The following LRRC28 variants were observed in gnomAD, a reference collection of about 807,000 sequenced individuals.
LRRC28 encodes the protein leucine rich repeat containing 28.
A neutral mutation model predicts 45.7 loss-of-function variants in LRRC28; 39 were observed. The ratio of observed to expected loss-of-function variants is 0.85; its 90% CI spans 0.66 to 1.12. LRRC28 has a LOEUF of 1.12. Among genes scored for constraint, LRRC28 ranks in the 50% most tolerant of loss-of-function variants. The pLI is 0.00. For synonymous variants in LRRC28, 206 were observed against 178.8 expected, an observed-to-expected ratio of 1.15 and a Z score of -1.22; for missense variants, 435 against 438.5, an observed-to-expected ratio of 0.99 and a Z score of 0.07.
intron 7 of LRRC28, among the ~76,000 whole-genome samples, chr15:99,354,964 G>A (rs1225092271): frequency 3.3e-5 from 5 of 152,140 alleles, no homozygotes; most frequent in Admixed American, 3.3e-4. Flanking sequence ...GTACTTGTGG[G>A]ACAATATAAG....
chr15:99,333,148 C>G (rs1400305671), intron 5 of LRRC28, among the ~76,000 whole-genome samples: 1 of 152,132 alleles, frequency 6.6e-6, no homozygotes, highest in Non-Finnish European at 1.5e-5. Context: ...GACTAAGTTC[C>G]TTGTAAGGAA....
In LRRC28 at chr15:99,277,541, A is replaced by C. The variant is rs150176935; in HGVS notation, c.209+925A>C. On this transcript the variant is annotated intron_variant, in intron 3 of 9. Transcript: ENST00000301981. ...ACCTAAGGAAAGTAATATTCAATAT[A>C]ATTTAATACACAGTTCATGTTTAAA... Among the ~76,000 whole-genome samples the C allele has an allele frequency of 5.4e-3, 826 of 152,300 alleles. 8 individuals are homozygous for C. Among genetic ancestry groups the C allele is most frequent in the African/African-American group, 0.019 (771 of 41,540 alleles).
rs984517360 is a variant in LRRC28 at position 99,390,261 on chromosome 15, A to G, written c.*4159A>G. ...GTGACTGACATTCTCTCGGTCAGGA[A>G]AAGAGCTTGCTTCACAGCCTTTGAA... is the stretch of plus-strand genomic sequence containing the variant. On this transcript the variant is annotated 3_prime_UTR_variant, in exon 10 of 10. Transcript: ENST00000301981. 1.3e-5 allele frequency: 2 copies of G among 152,268 alleles called. No homozygotes were observed. Among genetic ancestry groups the G allele is most frequent in the Non-Finnish European group, 2.9e-5 (2 of 68,066 alleles). 9.4% of individuals were successfully genotyped at this position (152,268 alleles called of 1,614,324 possible).
At chr15:99,361,195 C>A in intron 7 of LRRC28, 141 bp from the exon 8 acceptor site, 2 of 1,018,104 alleles carry the variant, frequency 2.0e-6, no homozygotes, top group Non-Finnish European at 2.8e-6. Context: ...CCCGGGATAG[C>A]ATCTGTTCAC....
intron 5 of LRRC28, among the ~76,000 whole-genome samples, chr15:99,325,079 G>T (rs913615025): frequency 1.3e-5 from 2 of 152,120 alleles, no homozygotes; most frequent in African/African-American, 2.4e-5. Flanking sequence ...ATATCGTTCT[G>T]TTTATTTAGA....
chr15:99,365,181 T>C (rs900473186), intron 9 of LRRC28, among the ~76,000 whole-genome samples: 3 of 152,266 alleles, frequency 2.0e-5, no homozygotes, highest in Non-Finnish European at 4.4e-5. Flanking sequence ...TTGGGGAATT[T>C]AGTCAGTACT....
At chr15:99,328,825 C>T (rs1956067760) in intron 5 of LRRC28, among the ~76,000 whole-genome samples, 1 of 151,370 alleles carries the variant, frequency 6.6e-6, no homozygotes, top group Non-Finnish European at 1.5e-5. Context: ...GGATTTACAC[C>T]AGCAGCCCGC....
At chr15:99,338,002 C>G (rs1390057237) in intron 6 of LRRC28, 2 of 152,230 alleles carry the variant, frequency 1.3e-5, no homozygotes, top group East Asian at 3.8e-4. Context: ...GGAGCAAATG[C>G]AAGCCCCGGT....
At chr15:99,286,245 C>T (rs930226259) in intron 3 of LRRC28, among the ~76,000 whole-genome samples, 6 of 152,208 alleles carry the variant, frequency 3.9e-5, no homozygotes, top group African/African-American at 1.4e-4. Flanking sequence ...GTTCTCCTGC[C>T]TCAGTCTCCC....
chr15:99,284,883 C>T, intron 3 of LRRC28: 1 of 577,786 alleles, frequency 1.7e-6, no homozygotes. Context: ...TCTACCATCA[C>T]CATGGCTGCC....
intron 2 of LRRC28, among the ~76,000 whole-genome samples, chr15:99,272,463 G>C (rs773657451): frequency 3.3e-5 from 5 of 152,230 alleles, no homozygotes; most frequent in South Asian, 2.1e-4. Context: ...GAGAAGGAAA[G>C]AAAGTAGGTA....
chr15:99,368,180 A>G (rs1032522840), intron 9 of LRRC28, among the ~76,000 whole-genome samples: 5 of 152,224 alleles, frequency 3.3e-5, no homozygotes, highest in African/African-American at 1.2e-4. Context: ...CTATTTCAGC[A>G]TCAACCCTTA....
Position 99,285,872 on chromosome 15 carries a change from T to C in LRRC28, c.210-1385T>C, listed in dbSNP as rs1194690034. The C allele has an allele frequency of 5.7e-5, 19 of 330,718 alleles. No homozygotes were observed. In the East Asian group the frequency reaches 1.5e-3, roughly 25 times the overall value. 20.5% of individuals were successfully genotyped at this position (330,718 alleles called of 1,614,324 possible). A position where few individuals can be genotyped will look rare whatever the true frequency, so the allele number is the denominator to read the frequency against. On this transcript the variant is annotated intron_variant, in intron 3 of 9. Coordinates refer to ENST00000301981, the MANE Select transcript of LRRC28 (RefSeq NM_144598.5). ...CCTAAAATTAATGTTTAAAGAGTAT[T>C]GATTTCATATACAGAAAGCAAGGAA... is the stretch of plus-strand genomic sequence containing the variant.
intron 2 of LRRC28, chr15:99,256,369 AAAGT>A (rs1338033558): frequency 1.9e-5 from 6 of 315,208 alleles, no homozygotes; most frequent in African/African-American, 2.1e-5. Context: ...TATGACTTAT[AAAGT>A]TAGTACCCAT....
chr15:99,347,296 G>A lies in LRRC28; in HGVS notation c.593-5073G>A, dbSNP rs541125076. 2.6e-5 allele frequency among the ~76,000 whole-genome samples: 4 copies of A among 151,510 alleles called. No individual in the cohort carries two copies. The South Asian group carries it at 8.3e-4, about 32-fold the overall frequency. The stretch of plus-strand genomic sequence containing the variant: ...GCTATCTCGGCTCACTGCAAGCTCC[G>A]CCTCCCGGGTTCACGCCCTTCTCTT... On this transcript the variant is annotated intron_variant, in intron 6 of 9. Transcript: ENST00000301981.
intron 3 of LRRC28, among the ~76,000 whole-genome samples, chr15:99,286,390 C>A (rs2081960443): frequency 6.6e-6 from 1 of 152,200 alleles, no homozygotes; most frequent in South Asian, 2.1e-4. Context: ...CCTTGCCTCC[C>A]AAAGTGCTGG....
Position 99,373,936 on chromosome 15 carries a change from G to C in LRRC28, c.1031+10671G>C, listed in dbSNP as rs527354108. ...TAATATAATTGTATTATAATTCTCTGTTCCATTCACTTGATCTGTGTCTAT... is the reference window on the plus strand; with the variant it reads ...TAATATAATTGTATTATAATTCTCTCTTCCATTCACTTGATCTGTGTCTAT... On this transcript the variant is annotated intron_variant, in intron 9 of 9. Coordinates refer to ENST00000301981, the MANE Select transcript of LRRC28 (RefSeq NM_144598.5). Among the ~76,000 whole-genome samples the C allele has an allele frequency of 2.6e-5, 4 of 152,214 alleles. No individual in the cohort carries two copies. The East Asian group carries it at 7.7e-4, about 29-fold the overall frequency.
At chr15:99,366,847 C>A (rs545025070) in intron 9 of LRRC28, among the ~76,000 whole-genome samples, 2 of 152,010 alleles carry the variant, frequency 1.3e-5, no homozygotes, top group East Asian at 3.9e-4. Context: ...CTATACAATT[C>A]AACCCATAAC....
intron 6 of LRRC28, among the ~76,000 whole-genome samples, chr15:99,344,162 G>T (rs1375182646): frequency 2.6e-5 from 4 of 152,134 alleles, no homozygotes; most frequent in Non-Finnish European, 5.9e-5. Context: ...GATGTATCGA[G>T]TACCAATTAT....
Sources: gnomAD v4.1 joint callset for allele counts (sites outside exome capture counted in the v4.1 genomes callset) on GRCh38, gnomAD v4.1.1 for gene constraint, MANE v1.5 for transcripts, NCBI Gene and HGNC (gene_info 2026-07-23, HGNC 2026-07-21) for gene names.